FARP1: variants seen among roughly 807,000 people sequenced by gnomAD.
The protein encoded by FARP1 is FERM, ARHGEF and pleckstrin domain-containing protein 1.
FARP1 carries 52 observed loss-of-function variants against 128.8 expected under a neutral mutation model. The observed-to-expected ratio is 0.40, with a 90% confidence interval of 0.32 to 0.51. FARP1 has a LOEUF of 0.51. Ranked by LOEUF, FARP1 falls within the 20% of genes least tolerant of loss-of-function variation. FARP1 has a pLI of 0.45. For synonymous variants in FARP1, 580 were observed against 551.8 expected, an observed-to-expected ratio of 1.05 and a Z score of -0.72; for missense variants, 1,333 against 1,367.9, an observed-to-expected ratio of 0.97 and a Z score of 0.40.
Position 98,247,620 on chromosome 13 carries a change from G to A in FARP1, c.171+34207G>A, listed in dbSNP as rs534441548. Among the ~76,000 whole-genome samples, 4 of 152,348 alleles carry A rather than the reference G, an allele frequency of 2.6e-5. No individual in the cohort carries two copies. In the South Asian group the frequency reaches 6.2e-4, roughly 24 times the overall value. ...GACAGTGAGCTCAGGGCTCTGCTGG[G>A]ATCCAGGGCAGGGGAGGAACCTTTC... On this transcript the variant is annotated intron_variant, in intron 2 of 26. Coordinates refer to ENST00000319562, the MANE Select transcript of FARP1 (RefSeq NM_005766.4).
intron 5 of FARP1, among the ~76,000 whole-genome samples, chr13:98,373,456 C>T (rs1889435129): frequency 6.6e-6 from 1 of 151,530 alleles, no homozygotes; most frequent in African/African-American, 2.4e-5. Context: ...GTTTGTATTC[C>T]CACCTCCCAC....
At chr13:98,349,530 G>T (rs985281637) in intron 3 of FARP1, among the ~76,000 whole-genome samples, 2 of 151,682 alleles carry the variant, frequency 1.3e-5, no homozygotes. Flanking sequence ...AAATTAGCCC[G>T]TTTGGTGGCA....
chr13:98,363,153 C>T (rs1294988680), intron 3 of FARP1, among the ~76,000 whole-genome samples: 1 of 152,182 alleles, frequency 6.6e-6, no homozygotes, highest in East Asian at 1.9e-4. Flanking sequence ...GGATAAGGAC[C>T]AAGCGTCTGA....
intron 2 of FARP1, among the ~76,000 whole-genome samples, chr13:98,325,274 T>G (rs1423915460): frequency 6.6e-6 from 1 of 152,250 alleles, no homozygotes; most frequent in African/African-American, 2.4e-5. Context: ...TGGATTCATC[T>G]TTACACTCAA....
intron 14 of FARP1, among the ~76,000 whole-genome samples, chr13:98,410,519 G>A (rs1362619396): frequency 2.0e-5 from 3 of 152,084 alleles, no homozygotes; most frequent in Non-Finnish European, 2.9e-5. Flanking sequence ...CACATGAAAC[G>A]GAGAGTAATT....
At chr13:98,161,442 C>T (rs2139129957) in intron 1 of FARP1, among the ~76,000 whole-genome samples, 1 of 152,188 alleles carries the variant, frequency 6.6e-6, no homozygotes, top group Admixed American at 6.5e-5. Flanking sequence ...GTCTCGATCT[C>T]CTGACCTCAA....
intron 5 of FARP1, among the ~76,000 whole-genome samples, chr13:98,372,092 T>TTTC (rs1555341322): frequency 6.9e-6 from 1 of 145,326 alleles, no homozygotes; most frequent in Non-Finnish European, 1.5e-5. Context: ...TTTTTTTTTT[T>TTTC]TTTTTTTTTT....
Position 98,395,116 on chromosome 13 carries a change from G to C in FARP1, c.1165-111G>C. 3.0e-6 allele frequency: 4 copies of C among 1,315,444 alleles called. No individual in the cohort carries two copies. In the South Asian group the frequency reaches 7.1e-5, roughly 23 times the overall value. 81.5% of individuals were successfully genotyped at this position (1,315,444 alleles called of 1,614,324 possible). On this transcript the variant is annotated intron_variant, in intron 12 of 26. Transcript: ENST00000319562. ...CAGAGAGCTCCGGGGCAGTTCTCCCGCCGCAGAGGCCTCGGGTGTTCTTGC... is the reference window on the plus strand; with the variant it reads ...CAGAGAGCTCCGGGGCAGTTCTCCCCCCGCAGAGGCCTCGGGTGTTCTTGC...
rs548718971 is a variant in FARP1 at position 98,385,795 on chromosome 13, C to T, written c.740C>T (p.Thr247Met). 5.7e-4 allele frequency: 925 copies of T among 1,614,130 alleles called. 12 individuals carry two copies. The South Asian group carries it at 8.9e-3, about 16-fold the overall frequency. The change falls in exon 8 of 27, where the codon ACG (threonine) becomes ATG (methionine). Residue 247 changes from threonine to methionine, a missense_variant. This residue lies in a region of FARP1 where 324 missense variants were observed against 398.1 expected (regional missense o/e 0.81). Transcript: ENST00000319562. ...GTKINLAVAN[T>M]GILVFQGFTK... ...AAGATCAATCTGGCCGTTGCCAACA[C>T]GGGAATTCTAGTGTTTCAGGTGAGA...
chr13:98,341,303 A>G (rs1001778338), intron 2 of FARP1, among the ~76,000 whole-genome samples: 6 of 152,118 alleles, frequency 3.9e-5, no homozygotes, highest in African/African-American at 1.4e-4. Context: ...GGTTCCTAAA[A>G]TGCTCTGTTC....
intron 1 of FARP1, among the ~76,000 whole-genome samples, chr13:98,149,089 T>C (rs1440834244): frequency 6.6e-6 from 1 of 152,104 alleles, no homozygotes; most frequent in Non-Finnish European, 1.5e-5. Context: ...GGTTTTGCCA[T>C]GTTGCCCAGG....
intron 2 of FARP1, among the ~76,000 whole-genome samples, chr13:98,326,349 G>A (rs550587436): frequency 6.6e-6 from 1 of 152,258 alleles, no homozygotes; most frequent in Admixed American, 6.5e-5. Context: ...CACCTTCATC[G>A]TTTTTAAGCA....
At chr13:98,241,313 CAGAAGCTTTTG>C (rs1882758496) in intron 2 of FARP1, among the ~76,000 whole-genome samples, 1 of 149,370 alleles carries the variant, frequency 6.7e-6, no homozygotes, top group Admixed American at 6.7e-5. Context: ...GCTGGGGGCC[CAGAAGCTTTTG>C]AGAAGCACCT....
chr13:98,411,761 G>A (rs1292933626), intron 15 of FARP1, 140 bp from the exon 16 acceptor site: 4 of 843,536 alleles, frequency 4.7e-6, no homozygotes, highest in East Asian at 2.5e-5. Context: ...GGGCAGCCCC[G>A]TGTTCCTGAA....
intron 2 of FARP1, chr13:98,244,696 T>C (rs1286251828): frequency 1.2e-5 from 19 of 1,613,704 alleles, no homozygotes; most frequent in Non-Finnish European, 1.6e-5. Flanking sequence ...GAAGAGCTTC[T>C]TAATCTTTTT....
intron 16 of FARP1, among the ~76,000 whole-genome samples, chr13:98,413,417 T>C (rs1168075115): frequency 6.6e-6 from 1 of 152,194 alleles, no homozygotes; most frequent in African/African-American, 2.4e-5. Flanking sequence ...CCCAGCACTT[T>C]GGGAGGCTGA....
chr13:98,432,574 A>G (rs1221798803), intron 18 of FARP1: 1 of 152,284 alleles, frequency 6.6e-6, no homozygotes, highest in Non-Finnish European at 1.5e-5. Flanking sequence ...CTAGGAGGGC[A>G]AGGCCCTTAT....
chr13:98,315,256 A>G (rs1440545035), intron 2 of FARP1, among the ~76,000 whole-genome samples: 1 of 152,156 alleles, frequency 6.6e-6, no homozygotes, highest in Non-Finnish European at 1.5e-5. Context: ...CCACAGGCAC[A>G]TACCACCATG....
intron 12 of FARP1, 77 bp from the exon 13 acceptor site, chr13:98,395,150 C>T: frequency 6.7e-7 from 1 of 1,496,148 alleles, no homozygotes. Context: ...GCCTGGCTCT[C>T]CTTTTCTGTT....
Sources: gnomAD v4.1 joint callset for allele counts (sites outside exome capture counted in the v4.1 genomes callset) on GRCh38, gnomAD v4.1.1 for gene constraint, gnomAD v4.1.1 regional missense constraint, MANE v1.5 for transcripts, NCBI Gene and HGNC (gene_info 2026-07-23, HGNC 2026-07-21) for gene names.